The following MAGI1 variants were observed in gnomAD, a reference collection of about 807,000 sequenced individuals.
The protein encoded by MAGI1 is membrane associated guanylate kinase, WW and PDZ domain containing 1.
MAGI1 carries 58 observed loss-of-function variants against 139.9 expected under a neutral mutation model. That is an observed-to-expected ratio of 0.41 (90% CI 0.34 to 0.52). The LOEUF is 0.52. MAGI1 is among the 20% of genes least tolerant of loss of function. The probability of loss-of-function intolerance (pLI) is 0.12; values close to 1 mark genes in which losing one functional copy is unlikely to be tolerated. For synonymous variants in MAGI1, 812 were observed against 737.9 expected (o/e 1.10, Z -1.63); for missense variants, 1,874 against 1,901.6 (o/e 0.99, Z 0.27).
At chr3:65,930,719 G>C (rs2062767655) in intron 1 of MAGI1, among the ~76,000 whole-genome samples, 2 of 152,130 alleles carry the variant, frequency 1.3e-5, no homozygotes, top group Non-Finnish European at 2.9e-5. Flanking sequence ...CCAAAACCAA[G>C]ATGATAACGC....
At chr3:65,903,322 T>C (rs915466405) in intron 1 of MAGI1, among the ~76,000 whole-genome samples, 3 of 152,194 alleles carry the variant, frequency 2.0e-5, no homozygotes, top group African/African-American at 7.2e-5. Flanking sequence ...GAGTGGCAAG[T>C]GGAAGCTTGG....
At chr3:65,657,667 T>G (rs1458430786) in intron 1 of MAGI1, among the ~76,000 whole-genome samples, 1 of 152,198 alleles carries the variant, frequency 6.6e-6, no homozygotes, top group Non-Finnish European at 1.5e-5. Flanking sequence ...AAGAAATTTT[T>G]TTTGTTTGTT....
chr3:65,477,788 C>T lies in MAGI1; in HGVS notation c.757+804G>A, dbSNP rs190917085. Among the ~76,000 whole-genome samples, 88 of 150,622 alleles carry T rather than the reference C, an allele frequency of 5.8e-4. 3 individuals are homozygous for T. In the East Asian group the frequency reaches 0.014, roughly 24 times the overall value. On this transcript the variant is annotated intron_variant, in intron 4 of 22. Coordinates refer to ENST00000402939, the MANE Select transcript of MAGI1 (RefSeq NM_001033057.2). Reference sequence around the variant, plus strand: ...ACACTAGAGTGCAGTGGTGCAATCTCGGCTCACTGCAATCTTTGCCCTTCA... The same window carrying T: ...ACACTAGAGTGCAGTGGTGCAATCTTGGCTCACTGCAATCTTTGCCCTTCA...
chr3:65,534,101 C>T (rs1045326298), intron 2 of MAGI1, among the ~76,000 whole-genome samples: 3 of 152,114 alleles, frequency 2.0e-5, no homozygotes, highest in African/African-American at 4.8e-5. Flanking sequence ...ATTCCTGACC[C>T]TTAGAAACCT....
intron 18 of MAGI1, among the ~76,000 whole-genome samples, chr3:65,367,184 T>G (rs948130475): frequency 1.3e-5 from 2 of 152,218 alleles, no homozygotes; most frequent in Non-Finnish European, 2.9e-5. Flanking sequence ...AATGTCTCCT[T>G]GTAATCAAAG....
rs143219726 is a variant in MAGI1, at chr3:65,561,162, T to C, written c.430+60810A>G. 3.7e-3 allele frequency among the ~76,000 whole-genome samples: 565 copies of C among 152,302 alleles called. 4 individuals carry two copies. Among genetic ancestry groups the C allele is most frequent in the African/African-American group, 0.012 (519 of 41,570 alleles). On this transcript the variant is annotated intron_variant, in intron 2 of 22. Coordinates refer to ENST00000402939, the MANE Select transcript of MAGI1 (RefSeq NM_001033057.2). ...GCTTTTATAGATCTTCAAACACTGC[T>C]AGGAAAACTTGGAAATGTGACAGCT...
chr3:65,846,357 A>C (rs142823157), intron 1 of MAGI1, among the ~76,000 whole-genome samples: 2,967 of 152,292 alleles, frequency 0.019, 91 homozygotes, highest in African/African-American at 0.068. Flanking sequence ...TTCACCCCAA[A>C]CTCTGCAAAA....
At chr3:65,482,273 G>A (rs1951338706) in intron 3 of MAGI1, among the ~76,000 whole-genome samples, 2 of 152,208 alleles carry the variant, frequency 1.3e-5, no homozygotes. Flanking sequence ...GACAAAATGA[G>A]ACGGTCTGCC....
At chr3:65,587,512 C>T (rs1420954556) in intron 2 of MAGI1, among the ~76,000 whole-genome samples, 3 of 117,452 alleles carry the variant, frequency 2.6e-5, no homozygotes, top group African/African-American at 1.0e-4. Context: ...GAGACAGGGT[C>T]TCGCTCTGTC....
intron 1 of MAGI1, among the ~76,000 whole-genome samples, chr3:65,951,568 A>G (rs139101733): frequency 1.3e-5 from 2 of 152,386 alleles, no homozygotes; most frequent in African/African-American, 4.8e-5. Flanking sequence ...CTGTTGAAAT[A>G]TTATTTTAAA....
chr3:65,951,457 C>G (rs963993708), intron 1 of MAGI1, among the ~76,000 whole-genome samples: 1 of 152,034 alleles, frequency 6.6e-6, no homozygotes, highest in Non-Finnish European at 1.5e-5. Context: ...ACTGTTGCAT[C>G]GAAATGGAGA....
At chr3:65,613,216 C>T (rs2106959270) in intron 2 of MAGI1, among the ~76,000 whole-genome samples, 1 of 152,230 alleles carries the variant, frequency 6.6e-6, no homozygotes, top group South Asian at 2.1e-4. Flanking sequence ...ATGCTGCACT[C>T]ATACTACAGA....
chr3:65,764,367 C>T (rs2037300116), intron 1 of MAGI1, among the ~76,000 whole-genome samples: 1 of 152,138 alleles, frequency 6.6e-6, no homozygotes, highest in Non-Finnish European at 1.5e-5. Context: ...CCTGTCCACT[C>T]CCCTCTCCCC....
chr3:65,478,616 G>A lies in MAGI1; in HGVS notation c.733C>T (p.Pro245Ser), dbSNP rs766635354. 6.2e-7 allele frequency: 1 copy of A among 1,613,886 alleles called. No homozygotes were observed. Among genetic ancestry groups the A allele is most frequent in the Non-Finnish European group, 8.5e-7 (1 of 1,179,980 alleles). ...CCTGTAAAGCTGCTGTTCATTTCAG[G>A]AACGTCATCCTCCTCCTCATTCTCC... ...HAENEEEDDV[P>S]EMNSSFTADS... Residue 245 changes from proline (P) to serine (S), a missense_variant, in exon 4 of 23, where the codon CCT (proline) becomes TCT (serine). By Grantham distance (74) the Pro-to-Ser change is moderately conservative. This residue lies in a region of MAGI1 where 648 missense variants were observed against 598.1 expected (regional missense o/e 1.08). Coordinates refer to ENST00000402939, the MANE Select transcript of MAGI1 (RefSeq NM_001033057.2).
At chr3:65,714,230 G>A (rs1004488811) in intron 1 of MAGI1, among the ~76,000 whole-genome samples, 1 of 152,162 alleles carries the variant, frequency 6.6e-6, no homozygotes, top group Non-Finnish European at 1.5e-5. Flanking sequence ...CTTGTAGGGA[G>A]AGGCATTCCT....
chr3:65,570,073 CATTATTATTATT>C (rs57902043), intron 2 of MAGI1, among the ~76,000 whole-genome samples: 409 of 136,344 alleles, frequency 3.0e-3, no homozygotes, highest in South Asian at 0.014. Context: ...TCTTTATTAT[CATTATTATTATT>C]ATTATTATTA....
chr3:65,584,406 A>G (rs1043742419), intron 2 of MAGI1, among the ~76,000 whole-genome samples: 1 of 152,176 alleles, frequency 6.6e-6, no homozygotes, highest in African/African-American at 2.4e-5. Context: ...TATCCTAAAA[A>G]CAGCCAAGAC....
intron 14 of MAGI1, among the ~76,000 whole-genome samples, chr3:65,386,863 GA>G (rs930906260): frequency 1.3e-4 from 20 of 152,314 alleles, no homozygotes; most frequent in South Asian, 1.0e-3. Flanking sequence ...TTGATAATTA[GA>G]AAGAATGGAC....
intron 2 of MAGI1, among the ~76,000 whole-genome samples, chr3:65,573,250 A>T (rs1056036801): frequency 6.6e-6 from 1 of 152,100 alleles, no homozygotes; most frequent in Non-Finnish European, 1.5e-5. Flanking sequence ...AATCATTAGA[A>T]CAAAAAAATT....
Sources: gnomAD v4.1 joint callset for allele counts (sites outside exome capture counted in the v4.1 genomes callset) on GRCh38, gnomAD v4.1.1 for gene constraint, gnomAD v4.1.1 regional missense constraint, MANE v1.5 for transcripts, NCBI Gene and HGNC (gene_info 2026-07-23, HGNC 2026-07-21) for gene names.